HHAT: variants seen among roughly 807,000 people sequenced by gnomAD.
The protein encoded by HHAT is hedgehog acyltransferase.
HHAT carries 47 observed loss-of-function variants against 70.8 expected under a neutral mutation model. The observed-to-expected ratio is 0.66, with a 90% CI of 0.53 to 0.85. The LOEUF is 0.85. Ranked by LOEUF, HHAT falls within the 40% of genes least tolerant of loss-of-function variation. The probability of loss-of-function intolerance (pLI) is 0.00; values close to 1 mark genes in which losing one functional copy is unlikely to be tolerated. For synonymous variants in HHAT, 228 were observed against 247.6 expected, an observed-to-expected ratio of 0.92 and a Z score of 0.74; for missense variants, 609 against 604.8, an observed-to-expected ratio of 1.01 and a Z score of -0.07.
At chr1:210,481,755 G>A (rs1276803124) in intron 8 of HHAT, among the ~76,000 whole-genome samples, 2 of 152,212 alleles carry the variant, frequency 1.3e-5, no homozygotes, top group African/African-American at 4.8e-5. Context: ...TTTTAGTGAG[G>A]TGAATTTGCA....
chr1:210,441,926 T>G (rs1474964909), intron 7 of HHAT, among the ~76,000 whole-genome samples: 1 of 151,826 alleles, frequency 6.6e-6, no homozygotes, highest in Admixed American at 6.6e-5. Context: ...TGTATACATG[T>G]GCCATGCTGG....
chr1:210,578,383 A>G (rs1018222653), intron 9 of HHAT, among the ~76,000 whole-genome samples: 3 of 152,176 alleles, frequency 2.0e-5, no homozygotes, highest in Admixed American at 1.3e-4. Context: ...ACTCTTGTAC[A>G]TTGTTGGTAC....
At chr1:210,467,007 C>G (rs1382468319) in intron 8 of HHAT, among the ~76,000 whole-genome samples, 3 of 152,174 alleles carry the variant, frequency 2.0e-5, no homozygotes, top group Non-Finnish European at 2.9e-5. Context: ...TGATGTCGTT[C>G]TAAAAAGAGG....
intron 7 of HHAT, among the ~76,000 whole-genome samples, chr1:210,444,571 T>C (rs957631480): frequency 1.4e-3 from 212 of 151,380 alleles, no homozygotes; most frequent in African/African-American, 4.9e-3. Flanking sequence ...TGGTTTAGTC[T>C]TGGGAGAGTG....
intron 6 of HHAT, among the ~76,000 whole-genome samples, chr1:210,416,300 C>T (rs1472520480): frequency 6.6e-6 from 1 of 152,118 alleles, no homozygotes; most frequent in Non-Finnish European, 1.5e-5. Context: ...TGTCATGAGC[C>T]CTGATAGTCA....
intron 3 of HHAT, among the ~76,000 whole-genome samples, chr1:210,371,955 G>A (rs1042218005): frequency 6.6e-6 from 1 of 152,206 alleles, no homozygotes; most frequent in African/African-American, 2.4e-5. Context: ...AAACCAGTCA[G>A]CTTACAAGTC....
intron 9 of HHAT, among the ~76,000 whole-genome samples, chr1:210,579,694 T>A (rs977935566): frequency 6.6e-6 from 1 of 152,196 alleles, no homozygotes; most frequent in Non-Finnish European, 1.5e-5. Flanking sequence ...AGGGCCAAGG[T>A]CACATCTTCT....
chr1:210,409,240 G>A (rs920637817), intron 6 of HHAT, among the ~76,000 whole-genome samples: 18 of 152,164 alleles, frequency 1.2e-4, no homozygotes, highest in African/African-American at 3.1e-4. Context: ...GGAAACAGAG[G>A]CAAAGAGAGG....
At chr1:210,545,124 TA>T (rs2148669435) in intron 9 of HHAT, among the ~76,000 whole-genome samples, 1 of 152,260 alleles carries the variant, frequency 6.6e-6, no homozygotes, top group Admixed American at 6.5e-5. Context: ...ACCCTTTGCT[TA>T]AAATACTCCA....
At chr1:210,535,400 T>C (rs1029747310) in intron 9 of HHAT, among the ~76,000 whole-genome samples, 1 of 151,760 alleles carries the variant, frequency 6.6e-6, no homozygotes, top group Non-Finnish European at 1.5e-5. Flanking sequence ...TGTAATACTG[T>C]GGGGGAAGGG....
intron 6 of HHAT, among the ~76,000 whole-genome samples, chr1:210,412,444 A>G (rs2148248773): frequency 6.6e-6 from 1 of 152,332 alleles, no homozygotes; most frequent in South Asian, 2.1e-4. Context: ...ATCCTTATGC[A>G]AATTCCCCTT....
chr1:210,384,314 GT>G (rs2090878442), intron 3 of HHAT, among the ~76,000 whole-genome samples: 1 of 152,170 alleles, frequency 6.6e-6, no homozygotes, highest in Non-Finnish European at 1.5e-5. Flanking sequence ...GTTGGTGAGT[GT>G]TAGGTAGCAG....
intron 9 of HHAT, among the ~76,000 whole-genome samples, chr1:210,552,654 C>T (rs1047312162): frequency 1.3e-5 from 2 of 152,200 alleles, no homozygotes; most frequent in Non-Finnish European, 2.9e-5. Flanking sequence ...TGTTTATAAC[C>T]TTCTACCTCT....
chr1:210,675,578 C>T lies in HHAT; in HGVS notation c.*1199C>T, dbSNP rs1175664986. The stretch of plus-strand genomic sequence containing the variant: ...ATCTCAAGTACGTAAATTAAGTTGT[C>T]ATTGAGTGAAAGGTTCACTTGGACC... On this transcript the variant is annotated 3_prime_UTR_variant, in exon 12 of 12. Transcript: ENST00000261458. 1 of 151,906 alleles carries T rather than the reference C, an allele frequency of 6.6e-6. No homozygotes were observed. Among genetic ancestry groups the T allele is most frequent in the Non-Finnish European group, 1.5e-5 (1 of 68,028 alleles). 9.4% of individuals were successfully genotyped at this position (151,906 alleles called of 1,614,324 possible). A position where few individuals can be genotyped will look rare whatever the true frequency, so the allele number is the denominator to read the frequency against.
chr1:210,595,131 A>G (rs1662657642), intron 10 of HHAT, among the ~76,000 whole-genome samples: 3 of 151,796 alleles, frequency 2.0e-5, no homozygotes. Context: ...CCACCCCACA[A>G]CAGGCCCCAG....
In HHAT at chr1:210,349,013, C is replaced by T. The variant is rs775006103; in HGVS notation, c.38C>T (p.Ala13Val). The T allele has an allele frequency of 1.9e-6, 3 of 1,613,964 alleles. No homozygotes were observed. Among genetic ancestry groups the T allele is most frequent in the Admixed American group, 1.7e-5 (1 of 59,982 alleles). ...PRWELALYLL[A>V]SLGFHFYSFY... The stretch of plus-strand genomic sequence containing the variant: ...TGGGAACTGGCACTTTACCTACTTG[C>T]CTCACTAGGCTTCCACTTCTATTCC... Residue 13 changes from alanine to valine, a missense_variant, in exon 2 of 12, where the codon GCC becomes GTC. Ala to Val is a moderately conservative substitution (Grantham distance 64). Transcript: ENST00000261458.
intron 11 of HHAT, among the ~76,000 whole-genome samples, chr1:210,633,226 CAT>C (rs920087700): frequency 7.9e-5 from 12 of 152,200 alleles, no homozygotes; most frequent in African/African-American, 2.7e-4. Flanking sequence ...AGAAACAGTT[CAT>C]GAGTCCAGCA....
intron 11 of HHAT, among the ~76,000 whole-genome samples, chr1:210,672,383 C>T (rs563967091): frequency 4.6e-5 from 7 of 152,316 alleles, no homozygotes; most frequent in East Asian, 3.9e-4. Context: ...GCAGCAGCCA[C>T]GTCACATGAT....
intron 9 of HHAT, among the ~76,000 whole-genome samples, chr1:210,533,928 G>A (rs866149760): frequency 2.0e-5 from 3 of 152,144 alleles, no homozygotes; most frequent in African/African-American, 4.8e-5. Flanking sequence ...GGCACCTGGC[G>A]GCTTGGTGAT....
Sources: gnomAD v4.1 joint callset for allele counts (sites outside exome capture counted in the v4.1 genomes callset) on GRCh38, gnomAD v4.1.1 for gene constraint, MANE v1.5 for transcripts, NCBI Gene and HGNC (gene_info 2026-07-23, HGNC 2026-07-21) for gene names.